The following STON2 variants were observed in gnomAD, a reference collection of about 807,000 sequenced individuals.
STON2 encodes stonin-2.
A neutral mutation model predicts 65.7 loss-of-function variants in STON2; 29 were observed. The observed-to-expected ratio is 0.44, with a 90% confidence interval of 0.33 to 0.60. STON2 has a LOEUF of 0.60. Among genes scored for constraint, STON2 ranks in the 20% least tolerant of loss-of-function variants. The probability of loss-of-function intolerance (pLI) is 0.03; values close to 1 mark genes in which losing one functional copy is unlikely to be tolerated. For missense variants in STON2, 1,054 were observed against 1,118.1 expected, an observed-to-expected ratio of 0.94 and a Z score of 0.82; for synonymous variants, 404 against 414.2, an observed-to-expected ratio of 0.98 and a Z score of 0.30.
At chr14:81,269,220 G>T (rs1365425221) in intron 7 of STON2, 3 of 639,010 alleles carry the variant, frequency 4.7e-6, no homozygotes, top group African/African-American at 4.0e-5. Flanking sequence ...TGGCCAGGCT[G>T]TTCTTGAATT....
At chr14:81,304,080 G>A (rs931066294) in intron 5 of STON2, among the ~76,000 whole-genome samples, 3 of 151,996 alleles carry the variant, frequency 2.0e-5, no homozygotes, top group African/African-American at 4.8e-5. Context: ...TTTTCTTATC[G>A]GCATCGCTCA....
intron 2 of STON2, among the ~76,000 whole-genome samples, chr14:81,408,928 A>G (rs1901009985): frequency 6.6e-6 from 1 of 152,198 alleles, no homozygotes; most frequent in Non-Finnish European, 1.5e-5. Flanking sequence ...GAAGACATTG[A>G]CTTACTCCAT....
chr14:81,311,208 T>C (rs539054184), intron 5 of STON2, among the ~76,000 whole-genome samples: 4 of 152,194 alleles, frequency 2.6e-5, no homozygotes, highest in Non-Finnish European at 5.9e-5. Context: ...AGCAGTATAA[T>C]ATACCAGAAA....
At chr14:81,419,665 C>G (rs1482387382) in intron 2 of STON2, among the ~76,000 whole-genome samples, 1 of 152,192 alleles carries the variant, frequency 6.6e-6, no homozygotes, top group Non-Finnish European at 1.5e-5. Flanking sequence ...CTAGAGACCA[C>G]CTGATGCATA....
chr14:81,265,911 G>A lies in STON2; in HGVS notation c.*2503C>T. 1 of 985,342 alleles carries A rather than the reference G, an allele frequency of 1.0e-6. No individual in the cohort carries two copies. The highest frequency in any genetic ancestry group is 4.7e-5 in the South Asian group (1 of 21,284). 61.0% of individuals were successfully genotyped at this position (985,342 alleles called of 1,614,324 possible). ...CTAAGCGTGAGTGACTAAGGAAGGT[G>A]CTGGGATGAGCTTCATTTCCCTTGC... is the stretch of plus-strand genomic sequence containing the variant. On this transcript the variant is annotated 3_prime_UTR_variant, in exon 8 of 8. Coordinates refer to ENST00000614646, the MANE Select transcript of STON2 (RefSeq NM_001394390.1).
intron 4 of STON2, among the ~76,000 whole-genome samples, chr14:81,369,595 G>C (rs1898895715): frequency 6.6e-6 from 1 of 152,182 alleles, no homozygotes; most frequent in African/African-American, 2.4e-5. Flanking sequence ...CATCACATAA[G>C]TTATTCTACA....
chr14:81,410,811 T>A (rs545702119), intron 2 of STON2, among the ~76,000 whole-genome samples: 20 of 152,270 alleles, frequency 1.3e-4, no homozygotes, highest in African/African-American at 4.1e-4. Flanking sequence ...GGAGGAGAAT[T>A]TACTCCAGAG....
At chr14:81,269,877 A>T in intron 7 of STON2, 20 of 985,332 alleles carry the variant, frequency 2.0e-5, no homozygotes, top group Non-Finnish European at 2.3e-5. Context: ...TGACCCTGTT[A>T]CTATTATAAA....
intron 3 of STON2, among the ~76,000 whole-genome samples, chr14:81,387,768 T>C (rs995252311): frequency 6.7e-6 from 1 of 150,312 alleles, no homozygotes; most frequent in Non-Finnish European, 1.5e-5. Flanking sequence ...GGCGGGTGCC[T>C]GTAGTCCCAG....
intron 2 of STON2, among the ~76,000 whole-genome samples, chr14:81,406,487 A>G (rs568925128): frequency 2.2e-4 from 34 of 152,312 alleles, no homozygotes; most frequent in African/African-American, 8.2e-4. Context: ...CTTTTGGTCT[A>G]CAATAGCAGA....
chr14:81,396,007 C>T lies in STON2; in HGVS notation c.260G>A (p.Ser87Asn), dbSNP rs770491073. The T allele has an allele frequency of 6.2e-7, 1 of 1,614,190 alleles. No homozygotes were observed. The highest frequency in any genetic ancestry group is 8.5e-7 in the Non-Finnish European group (1 of 1,180,028). The change falls in exon 3 of 8, where the codon AGC (serine) becomes AAC (asparagine). Residue 87 changes from serine (S) to asparagine (N), a missense_variant. Coordinates refer to ENST00000614646, the MANE Select transcript of STON2 (RefSeq NM_001394390.1). The part of the protein sequence containing the change: ...LISEAASPPG[S>N]PEQPPPDLAS... ...CAGGTCAGGTGGGGGCTGCTCAGGGCTCCCAGGTGGGGAAGCTGCTTCAGA... is the reference window on the plus strand; with the variant it reads ...CAGGTCAGGTGGGGGCTGCTCAGGGTTCCCAGGTGGGGAAGCTGCTTCAGA...
At position 81,324,047 on chromosome 14, in the gene STON2, C is replaced by T. The variant is rs568462877; in HGVS notation, c.712G>A (p.Glu238Lys). Among the ~76,000 whole-genome samples, 3 of 152,360 alleles carry T rather than the reference C, an allele frequency of 2.0e-5. No homozygotes were observed. The highest frequency in any genetic ancestry group is 4.8e-5 in the African/African-American group (2 of 41,586). Residue 238 changes from glutamate to lysine, a missense_variant, in exon 5 of 8, where the codon GAG (glutamate) becomes AAG (lysine). Transcript: ENST00000614646. Reference sequence around the variant, plus strand: ...GGAGCAGAGGCCCCCTCCGGACCCTCGCCGGGGTTCTGGCTCCTCTTGGGC... The same window carrying T: ...GGAGCAGAGGCCCCCTCCGGACCCTTGCCGGGGTTCTGGCTCCTCTTGGGC... ...PQPKRSQNPG[E>K]GPEGASAPND... is the part of the protein sequence containing the mutation.
intron 5 of STON2, among the ~76,000 whole-genome samples, chr14:81,303,059 G>GTGTGTGT (rs1566897923): frequency 1.1e-4 from 11 of 96,952 alleles, no homozygotes; most frequent in African/African-American, 2.9e-4. Flanking sequence ...ATGTGTGGGG[G>GTGTGTGT]GTGTGTGTGT....
intron 7 of STON2, chr14:81,270,054 T>C (rs1387690429): frequency 3.1e-6 from 3 of 983,060 alleles, no homozygotes; most frequent in Admixed American, 6.1e-5. Context: ...ATAAATTATA[T>C]TGCAAATGAA....
At chr14:81,423,589 G>A (rs919156867) in intron 2 of STON2, among the ~76,000 whole-genome samples, 2 of 152,154 alleles carry the variant, frequency 1.3e-5, no homozygotes, top group South Asian at 2.1e-4. Context: ...TCAGCAAAGC[G>A]GAGGATACGT....
rs116484861 is a variant in STON2, at chr14:81,385,306, C to T, written c.373+10588G>A. Among the ~76,000 whole-genome samples the T allele has an allele frequency of 7.4e-4, 113 of 152,332 alleles. 1 individual carries two copies. Among genetic ancestry groups the T allele is most frequent in the African/African-American group, 2.6e-3 (110 of 41,568 alleles). ...CTGGAAAGAGTTATTTTTAAGAACA[C>T]TTCACCATCCTCCGTGGCATGATGA... On this transcript the variant is annotated intron_variant, in intron 3 of 7. Coordinates refer to ENST00000614646, the MANE Select transcript of STON2 (RefSeq NM_001394390.1).
At position 81,264,716 on chromosome 14, in the gene STON2, G is replaced by C. The variant is rs754385563; in HGVS notation, c.*3698C>G. On this transcript the variant is annotated 3_prime_UTR_variant, in exon 8 of 8. Coordinates refer to ENST00000614646, the MANE Select transcript of STON2 (RefSeq NM_001394390.1). ...ATTATGAACCCTGCCAATAATGCAG[G>C]AAGGCACAGTAAGGGAAGAGCCAAA... 7.9e-5 allele frequency: 78 copies of C among 985,262 alleles called. No homozygotes were observed. Among genetic ancestry groups the C allele is most frequent in the Non-Finnish European group, 9.0e-5 (75 of 829,926 alleles). The allele number at this position is 985,262 out of a possible 1,614,324, so 61.0% of individuals were successfully genotyped here. A position where few individuals can be genotyped will look rare whatever the true frequency, so the allele number is the denominator to read the frequency against.
intron 3 of STON2, among the ~76,000 whole-genome samples, chr14:81,385,352 C>T (rs1899744788): frequency 6.6e-6 from 1 of 152,184 alleles, no homozygotes; most frequent in African/African-American, 2.4e-5. Flanking sequence ...TACAACAAAA[C>T]TATTGCTTTT....
chr14:81,325,293 G>A lies in STON2; in HGVS notation c.572-1106C>T, dbSNP rs1372127264. Among the ~76,000 whole-genome samples the A allele has an allele frequency of 3.3e-5, 5 of 152,138 alleles. No individual in the cohort carries two copies. The East Asian group carries it at 5.8e-4, about 18-fold the overall frequency. On this transcript the variant is annotated intron_variant, in intron 4 of 7. Coordinates refer to ENST00000614646, the MANE Select transcript of STON2 (RefSeq NM_001394390.1). ...AATGTACTATATAGGTTTCTCTACC[G>A]TAGCTTCTCATAGCCTTTTGTATGC...
Sources: allele counts gnomAD v4.1 joint callset (sites outside exome capture counted in the v4.1 genomes callset), GRCh38; gene constraint gnomAD v4.1.1; transcripts MANE v1.5; gene names NCBI Gene and HGNC (gene_info 2026-07-23, HGNC 2026-07-21).